The following CTNNA3 variants were observed in gnomAD, a reference collection of about 807,000 sequenced individuals.
CTNNA3 encodes catenin alpha 3.
A neutral mutation model predicts 95.7 loss-of-function variants in CTNNA3; 76 were observed. That is an observed-to-expected ratio of 0.79 (90% CI 0.66 to 0.96). The LOEUF is 0.96. CTNNA3 is among the 40% of genes least tolerant of loss of function. CTNNA3 has a pLI of 0.00. For missense variants in CTNNA3, 1,191 were observed against 1,089.8 expected (o/e 1.09, Z -1.31); for synonymous variants, 431 against 374.4 (o/e 1.15, Z -1.74).
chr10:66,656,011 G>T (rs991617626), intron 9 of CTNNA3, among the ~76,000 whole-genome samples: 1 of 152,042 alleles, frequency 6.6e-6, no homozygotes, highest in East Asian at 1.9e-4. Flanking sequence ...AGTACTTACT[G>T]AATCTTCTGT....
intron 17 of CTNNA3, among the ~76,000 whole-genome samples, chr10:65,942,318 A>G (rs1223634122): frequency 1.3e-5 from 2 of 152,074 alleles, no homozygotes; most frequent in African/African-American, 4.8e-5. Context: ...CAAGAAGTCA[A>G]GAGATCGAGA....
At chr10:65,967,231 C>T (rs985206736) in intron 16 of CTNNA3, among the ~76,000 whole-genome samples, 2 of 152,014 alleles carry the variant, frequency 1.3e-5, no homozygotes, top group Non-Finnish European at 2.9e-5. Flanking sequence ...GCTGGGATTA[C>T]AGGCGTGAGC....
At chr10:66,479,979 C>CACACACACACACACA (rs1565003130) in intron 11 of CTNNA3, among the ~76,000 whole-genome samples, 4 of 146,430 alleles carry the variant, frequency 2.7e-5, no homozygotes, top group African/African-American at 8.1e-5. Context: ...CACACACACA[C>CACACACACACACACA]CCCAGAACTT....
intron 13 of CTNNA3, among the ~76,000 whole-genome samples, chr10:66,238,628 T>G (rs1284858070): frequency 1.3e-5 from 2 of 151,714 alleles, no homozygotes; most frequent in African/African-American, 4.8e-5. Context: ...AAAAACAGAT[T>G]GGAGAATAAT....
intron 7 of CTNNA3, among the ~76,000 whole-genome samples, chr10:66,978,959 CCT>C (rs1564808874): frequency 1.6e-5 from 2 of 128,378 alleles, no homozygotes; most frequent in African/African-American, 5.7e-5. Flanking sequence ...ATACTTATTT[CCT>C]TTTTTTTTTT....
chr10:67,563,492 C>T (rs1041850746), intron 3 of CTNNA3, among the ~76,000 whole-genome samples: 2 of 152,088 alleles, frequency 1.3e-5, no homozygotes, highest in African/African-American at 2.4e-5. Context: ...AAAATTAATT[C>T]AAGATGGATT....
chr10:67,618,972 T>C (rs1843743707), intron 2 of CTNNA3, among the ~76,000 whole-genome samples: 2 of 152,218 alleles, frequency 1.3e-5, no homozygotes, highest in South Asian at 4.1e-4. Flanking sequence ...TCTAAAATAC[T>C]ATCAACTACA....
chr10:67,242,070 G>A (rs565737485), intron 5 of CTNNA3, among the ~76,000 whole-genome samples: 34 of 152,166 alleles, frequency 2.2e-4, no homozygotes, highest in Admixed American at 2.0e-3. Context: ...GCCCATCTGC[G>A]GTGACCCAAT....
intron 2 of CTNNA3, among the ~76,000 whole-genome samples, chr10:67,624,042 G>T (rs1188402123): frequency 6.6e-6 from 1 of 151,902 alleles, no homozygotes; most frequent in Admixed American, 6.6e-5. Flanking sequence ...GGCTGGTCTC[G>T]AACTCCTGAC....
chr10:67,445,072 A>T (rs932712182), intron 5 of CTNNA3, among the ~76,000 whole-genome samples: 5 of 152,144 alleles, frequency 3.3e-5, no homozygotes, highest in Non-Finnish European at 7.4e-5. Context: ...TAAAGGAGGG[A>T]GTACTTCCAA....
At chr10:66,241,114 A>G (rs2090086153) in intron 13 of CTNNA3, among the ~76,000 whole-genome samples, 1 of 151,174 alleles carries the variant, frequency 6.6e-6, no homozygotes. Context: ...AACAACCACA[A>G]ACAAACAAAA....
chr10:67,132,963 C>T (rs1860096365), intron 7 of CTNNA3, among the ~76,000 whole-genome samples: 1 of 151,772 alleles, frequency 6.6e-6, no homozygotes, highest in African/African-American at 2.4e-5. Flanking sequence ...TGTGGGCACA[C>T]ACATACAGTT....
intron 5 of CTNNA3, among the ~76,000 whole-genome samples, chr10:67,347,250 G>T (rs779589972): frequency 2.0e-5 from 3 of 151,812 alleles, no homozygotes; most frequent in Non-Finnish European, 4.4e-5. Context: ...TTTTTGTAGA[G>T]ATGGGGTTTC....
intron 9 of CTNNA3, among the ~76,000 whole-genome samples, chr10:66,716,669 C>G (rs547513137): frequency 6.6e-6 from 1 of 152,188 alleles, no homozygotes; most frequent in East Asian, 1.9e-4. Flanking sequence ...GCATGGGGCC[C>G]AGGACAAAGA....
At chr10:66,856,675 C>T (rs542243395) in intron 7 of CTNNA3, among the ~76,000 whole-genome samples, 3 of 151,982 alleles carry the variant, frequency 2.0e-5, no homozygotes, top group African/African-American at 7.2e-5. Context: ...TCGAGCATTT[C>T]TTCATATGCT....
chr10:66,105,047 C>T (rs2081832036), intron 13 of CTNNA3, among the ~76,000 whole-genome samples: 1 of 152,218 alleles, frequency 6.6e-6, no homozygotes, highest in South Asian at 2.1e-4. Flanking sequence ...CAATACCCAT[C>T]CCTTTGCAGA....
intron 5 of CTNNA3, among the ~76,000 whole-genome samples, chr10:67,319,683 G>A (rs1841222316): frequency 6.6e-6 from 1 of 152,112 alleles, no homozygotes; most frequent in Non-Finnish European, 1.5e-5. Flanking sequence ...ATCACTTGAG[G>A]TCAGGAGTTT....
intron 7 of CTNNA3, among the ~76,000 whole-genome samples, chr10:67,118,716 AAT>A (rs1859313387): frequency 6.6e-6 from 1 of 151,896 alleles, no homozygotes; most frequent in South Asian, 2.1e-4. Context: ...TATTAATAAA[AAT>A]ATTTGGAGCC....
chr10:67,134,851 G>A lies in CTNNA3; in HGVS notation c.1047+45466C>T, dbSNP rs1435264365. Among the ~76,000 whole-genome samples the A allele has an allele frequency of 2.6e-5, 4 of 152,180 alleles. No homozygotes were observed. The South Asian group carries it at 8.3e-4, about 32-fold the overall frequency. ...AGAAGTTATGAGTTCCAAAGAAGGA[G>A]GGATTTTTATATGACAGAGAGGAGT... On this transcript the variant is annotated intron_variant, in intron 7 of 17. Transcript: ENST00000433211.
Sources: allele counts gnomAD v4.1 joint callset (sites outside exome capture counted in the v4.1 genomes callset), GRCh38; gene constraint gnomAD v4.1.1; transcripts MANE v1.5; gene names NCBI Gene and HGNC (gene_info 2026-07-23, HGNC 2026-07-21).